Variants in ETAA1 observed in about 807,000 individuals in gnomAD.
ETAA1 encodes ewing's tumor-associated antigen 1.
A neutral mutation model predicts 76.8 loss-of-function variants in ETAA1; 49 were observed. That is an observed-to-expected ratio of 0.64 (90% CI 0.51 to 0.81). The LOEUF (loss-of-function observed/expected upper bound fraction) is 0.81. Among genes scored for constraint, ETAA1 ranks in the 30% least tolerant of loss-of-function variants. The pLI, the probability that ETAA1 is intolerant of heterozygous loss-of-function variation, is 0.00. For missense variants in ETAA1, 1,099 were observed against 1,074.0 expected (o/e 1.02, Z -0.32); for synonymous variants, 373 against 372.2 (o/e 1.00, Z -0.03).
intron 3 of ETAA1, 123 bp from the exon 4 acceptor site, chr2:67,402,739 G>A (rs1676089706): frequency 1.8e-6 from 1 of 544,230 alleles, no homozygotes; most frequent in Non-Finnish European, 2.9e-6. Flanking sequence ...TACCTCACCA[G>A]AATTTAGGAA....
intron 3 of ETAA1, chr2:67,402,089 T>G (rs1008936624): frequency 2.0e-5 from 3 of 151,770 alleles, no homozygotes; most frequent in Non-Finnish European, 3.0e-5. Context: ...TAAAATAGAG[T>G]GAAAATGGTT....
chr2:67,402,809 C>A, intron 3 of ETAA1, 53 bp from the exon 4 acceptor site: 2 of 1,118,358 alleles, frequency 1.8e-6, no homozygotes, highest in Non-Finnish European at 2.5e-6. Context: ...TTTTGGAAGA[C>A]GGGGGATGCT....
chr2:67,404,883 C>T lies in ETAA1; in HGVS notation c.2201C>T (p.Thr734Ile). Residue 734 changes from threonine to isoleucine, a missense_variant, in exon 5 of 6, where the codon ACA becomes ATA. Coordinates refer to ENST00000272342, the MANE Select transcript of ETAA1 (RefSeq NM_019002.4). Reference sequence around the variant, plus strand: ...AATTCTCCAAGATTTTTAGGTGCCACAAATTTGACTATGTATTCTAAGATC... The same window carrying T: ...AATTCTCCAAGATTTTTAGGTGCCATAAATTTGACTATGTATTCTAAGATC... ...YGNSPRFLGATNLTMYSKISN... is the reference protein window; with the variant it reads ...YGNSPRFLGAINLTMYSKISN... The T allele has an allele frequency of 6.2e-7, 1 of 1,612,898 alleles. No homozygotes were observed. The highest frequency in any genetic ancestry group is 8.5e-7 in the Non-Finnish European group (1 of 1,179,290).
intron 3 of ETAA1, chr2:67,402,251 T>G (rs1487304733): frequency 6.6e-6 from 1 of 151,912 alleles, no homozygotes; most frequent in Non-Finnish European, 1.5e-5. Flanking sequence ...ACTTTTCTGT[T>G]TTCTCTATTT....
At position 67,397,532 on chromosome 2, in the gene ETAA1, G is replaced by A. The variant is rs535180692; in HGVS notation, c.84G>A (p.Ser28=). 1.3e-6 allele frequency: 2 copies of A among 1,588,202 alleles called. No homozygotes were observed. The highest frequency in any genetic ancestry group is 2.3e-5 in the South Asian group (2 of 87,676). The change falls in exon 1 of 6, where the codon TCG becomes TCA. Residue 28 remains serine (S), a synonymous_variant. Coordinates refer to ENST00000272342, the MANE Select transcript of ETAA1 (RefSeq NM_019002.4). ...CAGTGGCGGCGGAGGAATGCGGCTCGGTGGTCGAGCCAGGGAGGAGGCGGC... is the reference window on the plus strand; with the variant it reads ...CAGTGGCGGCGGAGGAATGCGGCTCAGTGGTCGAGCCAGGGAGGAGGCGGC... The part of the protein sequence containing the change: ...HKTVAAEECG[S]VVEPGRRRLR...
Position 67,399,575 on chromosome 2 carries a change from C to T in ETAA1, c.378C>T (p.Tyr126=). Residue 126 remains tyrosine (Y), a synonymous_variant, in exon 3 of 6, where the codon TAC becomes TAT. Transcript: ENST00000272342. ...GTAAAGGAAGAAAAAAACAGATTTA[C>T]ACCACAGATAGTGATGAGATTTCAC... The part of the protein sequence containing the change: ...QLGKGRKKQI[Y]TTDSDEISHI... 6.2e-7 allele frequency: 1 copy of T among 1,607,512 alleles called. No individual in the cohort carries two copies. The highest frequency in any genetic ancestry group is 8.5e-7 in the Non-Finnish European group (1 of 1,175,910).
chr2:67,401,096 CT>C (rs1433188384), intron 3 of ETAA1: 2 of 152,020 alleles, frequency 1.3e-5, no homozygotes. Context: ...TTATTGGACT[CT>C]TTACCTAAGT....
At chr2:67,399,349 AGATTT>A in intron 2 of ETAA1, 52 bp downstream of exon 2, 2 of 1,485,160 alleles carry the variant, frequency 1.3e-6, no homozygotes, top group Non-Finnish European at 1.8e-6. Flanking sequence ...TAAATGATTC[AGATTT>A]AACTAGAATT....
rs1676335766 is a variant in ETAA1 at position 67,410,162 on chromosome 2, C to T, written c.*124C>T. ...GACTTTTATAAAGCCTGGACTTCTA[C>T]TTTATTTAATAAATCAATGTTTGCA... On this transcript the variant is annotated 3_prime_UTR_variant, in exon 6 of 6. Coordinates refer to ENST00000272342, the MANE Select transcript of ETAA1 (RefSeq NM_019002.4). The T allele has an allele frequency of 5.9e-6, 5 of 840,650 alleles. No homozygotes were observed. The highest frequency in any genetic ancestry group is 1.7e-5 in the South Asian group (1 of 60,106). The allele number at this position is 840,650 out of a possible 1,614,324, so 52.1% of individuals were successfully genotyped here.
In ETAA1 at chr2:67,397,520, G is replaced by A. The variant is rs1675905723; in HGVS notation, c.72G>A (p.Glu24=). 1 of 1,596,928 alleles carries A rather than the reference G, an allele frequency of 6.3e-7. No homozygotes were observed. Among genetic ancestry groups the A allele is most frequent in the Non-Finnish European group, 8.5e-7 (1 of 1,171,848 alleles). ...CGCCGCACAAAACAGTGGCGGCGGA[G>A]GAATGCGGCTCGGTGGTCGAGCCAG... ...KKTPHKTVAA[E]ECGSVVEPGR... The change falls in exon 1 of 6, where the codon GAG becomes GAA. Residue 24 remains glutamate, a synonymous_variant. Transcript: ENST00000272342.
intron 3 of ETAA1, chr2:67,401,925 T>C (rs889458384): frequency 2.6e-5 from 4 of 151,962 alleles, no homozygotes; most frequent in Admixed American, 1.3e-4. Context: ...CACCTAAATC[T>C]TCTAGTAAAT....
chr2:67,404,388 G>T lies in ETAA1; in HGVS notation c.1706G>T (p.Ser569Ile), dbSNP rs750254319. The change falls in exon 5 of 6, where the codon AGT becomes ATT. Residue 569 changes from serine (S) to isoleucine (I), a missense_variant. Physicochemically the swap from Ser to Ile is moderately radical, Grantham distance 142 (BLOSUM62 -2). This residue lies in a region of ETAA1 where 761 missense variants were observed against 731.9 expected (regional missense o/e 1.04). Coordinates refer to ENST00000272342, the MANE Select transcript of ETAA1 (RefSeq NM_019002.4). ...KTSVSNPNQTSASKVGSFFDD... is the reference protein window; with the variant it reads ...KTSVSNPNQTIASKVGSFFDD... ...AGTGTTAGTAACCCAAATCAGACTA[G>T]TGCATCAAAAGTAGGTTCTTTCTTT... 1 of 1,613,296 alleles carries T rather than the reference G, an allele frequency of 6.2e-7. No homozygotes were observed. The highest frequency in any genetic ancestry group is 8.5e-7 in the Non-Finnish European group (1 of 1,179,480).
chr2:67,402,831 T>G (rs1416832084), intron 3 of ETAA1, 31 bp from the exon 4 acceptor site: 1 of 1,500,520 alleles, frequency 6.7e-7, no homozygotes, highest in Non-Finnish European at 9.0e-7. Flanking sequence ...CACTGGTACT[T>G]TATACCTCTT....
intron 5 of ETAA1, among the ~76,000 whole-genome samples, chr2:67,406,332 A>C (rs1024458665): frequency 6.6e-6 from 1 of 151,076 alleles, no homozygotes. Flanking sequence ...CCCCTTCCCC[A>C]CTCTTTTGTT....
Position 67,399,193 on chromosome 2 carries a change from C to T in ETAA1, c.248C>T (p.Ala83Val), listed in dbSNP as rs532275210. 9 of 1,612,520 alleles carry T rather than the reference C, an allele frequency of 5.6e-6. No homozygotes were observed. The highest frequency in any genetic ancestry group is 7.6e-6 in the Non-Finnish European group (9 of 1,179,128). Residue 83 changes from alanine (A) to valine (V), a missense_variant, in exon 2 of 6, where the codon GCG (alanine) becomes GTG (valine). Around this residue, in one of 3 missense-constraint regions of ETAA1, gnomAD observed 761 missense variants for 731.9 expected, o/e 1.04. Transcript: ENST00000272342. ...GAAAGGTATGAAACACCAAAGAGAG[C>T]GCTGAAAATGGACTCACTGTCATCT... ...PEERYETPKR[A>V]LKMDSLSSSF...
intron 5 of ETAA1, 86 bp downstream of exon 5, chr2:67,405,421 A>C: frequency 9.5e-7 from 1 of 1,048,398 alleles, no homozygotes; most frequent in Non-Finnish European, 1.3e-6. Flanking sequence ...AGTGTGAGTA[A>C]TGTATAAGGT....
chr2:67,399,475 C>A, intron 2 of ETAA1, 75 bp from the exon 3 acceptor site: 4 of 1,254,780 alleles, frequency 3.2e-6, no homozygotes, highest in Non-Finnish European at 4.6e-6. Flanking sequence ...AAATTACTTT[C>A]TAAGAAGTGA....
At chr2:67,402,810 G>T in intron 3 of ETAA1, 52 bp from the exon 4 acceptor site, 1 of 1,127,290 alleles carries the variant, frequency 8.9e-7, no homozygotes. Flanking sequence ...TTTGGAAGAC[G>T]GGGGATGCTA....
In ETAA1 at chr2:67,410,908, A is replaced by G. The variant is rs918673251; in HGVS notation, c.*870A>G. ...ATAACTTGAGGGAGTATTATTTTCT[A>G]GTATAAAACAAAAGATGTAATTAAA... On this transcript the variant is annotated 3_prime_UTR_variant, in exon 6 of 6. Transcript: ENST00000272342. 3 of 152,128 alleles carry G rather than the reference A, an allele frequency of 2.0e-5. No individual in the cohort carries two copies. Among genetic ancestry groups the G allele is most frequent in the Non-Finnish European group, 1.5e-5 (1 of 67,980 alleles). The allele number at this position is 152,128 out of a possible 1,614,324, so 9.4% of individuals were successfully genotyped here.
Sources: allele counts gnomAD v4.1 joint callset (sites outside exome capture counted in the v4.1 genomes callset), GRCh38; gene constraint gnomAD v4.1.1; regional missense constraint gnomAD v4.1.1; transcripts MANE v1.5; gene names NCBI Gene and HGNC (gene_info 2026-07-23, HGNC 2026-07-21).